The following PRICKLE4 variants were observed in gnomAD, a reference collection of about 807,000 sequenced individuals.
The protein encoded by PRICKLE4 is prickle-like protein 4.
Under a neutral mutation model 43.5 loss-of-function variants are expected in PRICKLE4, and 40 were observed. The observed-to-expected ratio is 0.92, with a 90% CI of 0.71 to 1.20. PRICKLE4 has a LOEUF of 1.20. PRICKLE4 is among the 50% of genes most tolerant of loss of function. PRICKLE4 has a pLI of 0.00. For missense variants in PRICKLE4, 527 were observed against 491.2 expected (o/e 1.07, Z -0.69); for synonymous variants, 208 against 197.4 (o/e 1.05, Z -0.45).
Position 41,784,935 on chromosome 6 carries a change from G to A in PRICKLE4, c.241G>A (p.Glu81Lys). ...TAATTGTAGAGGACTGTTTCTGCAG[G>A]AGCGCTACTGCCTGGCCCTTGGGGA... ...LQQLPPQDID[E>K]RYCLALGEEE... is the part of the protein sequence containing the mutation. The change falls in exon 5 of 8, where the codon GAG becomes AAG. Residue 81 changes from glutamate to lysine, a missense_variant and splice_region_variant. Glu to Lys is a moderately conservative substitution (Grantham distance 56, BLOSUM62 1). Transcript: ENST00000458694. 6.2e-7 allele frequency: 1 copy of A among 1,613,856 alleles called. No individual in the cohort carries two copies. The highest frequency in any genetic ancestry group is 8.5e-7 in the Non-Finnish European group (1 of 1,179,948).
At chr6:41,786,589 C>G in intron 7 of PRICKLE4, 173 bp from the exon 8 acceptor site, 1 of 1,194,666 alleles carries the variant, frequency 8.4e-7, no homozygotes, top group Non-Finnish European at 1.2e-6. Flanking sequence ...GCGCGGGAGG[C>G]GGACGCCCTC....
At position 41,785,461 on chromosome 6, in the gene PRICKLE4, A is replaced by G. The variant is rs780466355; in HGVS notation, c.503A>G (p.Tyr168Cys). ...ACGQALINLIYFYHDGQLYCG... is the reference protein window; with the variant it reads ...ACGQALINLICFYHDGQLYCG... ...GGCCAGGCCCTGATAAACCTCATCT[A>G]CTTCTACCATGATGGACAACTCTAC... The change falls in exon 6 of 8, where the codon TAC becomes TGC. Residue 168 changes from tyrosine to cysteine, a missense_variant. Transcript: ENST00000458694. 3.1e-6 allele frequency: 5 copies of G among 1,614,074 alleles called. No individual in the cohort carries two copies. The highest frequency in any genetic ancestry group is 4.2e-6 in the Non-Finnish European group (5 of 1,180,032).
rs1470309768 is a variant in PRICKLE4 at position 41,785,069 on chromosome 6, G to A, written c.375G>A (p.Glu125=). The change falls in exon 5 of 8, where the codon GAG becomes GAA. Residue 125 remains glutamate, a synonymous_variant. Coordinates refer to ENST00000458694, the MANE Select transcript of PRICKLE4 (RefSeq NM_013397.6). ...VLPKLEGHTC[E]KCRELLKPGE... ...CCAAGCTTGAAGGACACACCTGTGA[G>A]AAGGTATGTAGCACCCCTCCCCCCA... The A allele has an allele frequency of 6.2e-7, 1 of 1,613,654 alleles. No individual in the cohort carries two copies. Among genetic ancestry groups the A allele is most frequent in the South Asian group, 1.1e-5 (1 of 91,022 alleles).
intron 3 of PRICKLE4, 185 bp from the exon 4 acceptor site, chr6:41,783,946 C>A (rs1772596367): frequency 1.5e-6 from 1 of 674,182 alleles, no homozygotes; most frequent in Non-Finnish European, 2.7e-6. Flanking sequence ...AGGAAGACCA[C>A]ACATGCAGGC....
At position 41,785,459 on chromosome 6, in the gene PRICKLE4, C is replaced by T; in HGVS notation, c.501C>T (p.Ile167=). 1.2e-6 allele frequency: 2 copies of T among 1,614,118 alleles called. No individual in the cohort carries two copies. Among genetic ancestry groups the T allele is most frequent in the Non-Finnish European group, 8.5e-7 (1 of 1,180,044 alleles). ...QACGQALINL[I]YFYHDGQLYC... Reference sequence around the variant, plus strand: ...GTGGCCAGGCCCTGATAAACCTCATCTACTTCTACCATGATGGACAACTCT... The same window carrying T: ...GTGGCCAGGCCCTGATAAACCTCATTTACTTCTACCATGATGGACAACTCT... Residue 167 remains isoleucine, a synonymous_variant, in exon 6 of 8, where the codon ATC becomes ATT. Coordinates refer to ENST00000458694, the MANE Select transcript of PRICKLE4 (RefSeq NM_013397.6).
Position 41,784,117 on chromosome 6 carries a change from C to T in PRICKLE4, c.133-14C>T. 6.3e-7 allele frequency: 1 copy of T among 1,586,574 alleles called. No individual in the cohort carries two copies. The highest frequency in any genetic ancestry group is 1.8e-5 in the Admixed American group (1 of 55,498). On this transcript the variant is annotated splice_polypyrimidine_tract_variant and intron_variant, in intron 3 of 7. Transcript: ENST00000458694. ...ACCTAGTTTCACTCCTCCCCTTCTTCCATGTCTCCTCAGGGTCCTGCAGTT... is the reference window on the plus strand; with the variant it reads ...ACCTAGTTTCACTCCTCCCCTTCTTTCATGTCTCCTCAGGGTCCTGCAGTT...
chr6:41,783,685 G>A, intron 3 of PRICKLE4, 80 bp downstream of exon 3: 2 of 1,603,870 alleles, frequency 1.2e-6, no homozygotes, highest in Middle Eastern at 1.7e-4. Flanking sequence ...CCAACCCGGA[G>A]GTAGTTTGAC....
rs556963353 is a variant in PRICKLE4 at position 41,783,762 on chromosome 6, C to T, written c.132+157C>T. The T allele has an allele frequency of 5.6e-6, 6 of 1,067,256 alleles. No homozygotes were observed. In the African/African-American group the frequency reaches 9.4e-5, roughly 17 times the overall value. 66.1% of individuals were successfully genotyped at this position (1,067,256 alleles called of 1,614,324 possible). ...TTCCTGTCTCTGCACCTGCTTAGAA[C>T]ATGGGGTTTTGACTTTAAACTCATT... On this transcript the variant is annotated intron_variant, in intron 3 of 7. Coordinates refer to ENST00000458694, the MANE Select transcript of PRICKLE4 (RefSeq NM_013397.6).
chr6:41,784,379 CCCTG>C lies in PRICKLE4; in HGVS notation c.240+146_240+149del, dbSNP rs1190681322. The C allele has an allele frequency of 3.7e-5, 25 of 666,786 alleles. No individual in the cohort carries two copies. In the South Asian group the frequency reaches 5.1e-4, roughly 14 times the overall value. The allele number at this position is 666,786 out of a possible 1,614,324, so 41.3% of individuals were successfully genotyped here. ...GGCACTGGTTGGGGCGTCATTCTCC[CCCTG>C]CCTGAGTTTTCACATTGGCAATAAC... On this transcript the variant is annotated intron_variant, in intron 4 of 7. Coordinates refer to ENST00000458694, the MANE Select transcript of PRICKLE4 (RefSeq NM_013397.6).
chr6:41,784,289 CT>C lies in PRICKLE4; in HGVS notation c.240+55del, dbSNP rs776916959. On this transcript the variant is annotated intron_variant, in intron 4 of 7. Coordinates refer to ENST00000458694, the MANE Select transcript of PRICKLE4 (RefSeq NM_013397.6). The stretch of plus-strand genomic sequence containing the variant: ...TCTCTTGCCTTTCCCTCCCTCATCT[CT>C]TTTCTTACTGTGGGAAGAACCTCAG... 40 of 1,392,092 alleles carry C rather than the reference CT, an allele frequency of 2.9e-5. No individual in the cohort carries two copies. The Middle Eastern group carries it at 9.1e-4, about 32-fold the overall frequency. The allele number at this position is 1,392,092 out of a possible 1,614,324, so 86.2% of individuals were successfully genotyped here.
intron 3 of PRICKLE4, chr6:41,783,820 C>T: frequency 2.5e-6 from 2 of 792,930 alleles, no homozygotes; most frequent in South Asian, 2.9e-5. Flanking sequence ...CCTAGGGGGT[C>T]TGTATTGTCA....
Position 41,786,901 on chromosome 6 carries a change from G to A in PRICKLE4, c.927G>A (p.Gln309=), listed in dbSNP as rs770696731. Reference sequence around the variant, plus strand: ...GGCTGCCTGGATCCAGTCCCCAGCAGGAGAACCGACCTGGGGACAAAGCGG... The same window carrying A: ...GGCTGCCTGGATCCAGTCCCCAGCAAGAGAACCGACCTGGGGACAAAGCGG... ...QRGLPGSSPQ[Q]ENRPGDKAEA... is the part of the protein sequence containing the mutation. Residue 309 remains glutamine (Q), a synonymous_variant, in exon 8 of 8, where the codon CAG becomes CAA. Transcript: ENST00000458694. 1 of 1,612,414 alleles carries A rather than the reference G, an allele frequency of 6.2e-7. No homozygotes were observed. The highest frequency in any genetic ancestry group is 1.7e-5 in the Admixed American group (1 of 59,918).
At chr6:41,781,622 A>T (rs1354932598) in intron 2 of PRICKLE4, 102 bp downstream of exon 2, 1 of 152,520 alleles carries the variant, frequency 6.6e-6, no homozygotes, top group Non-Finnish European at 1.5e-5. Flanking sequence ...AGCAATATTA[A>T]CTGTTACAGT....
Position 41,785,441 on chromosome 6 carries a change from G to C in PRICKLE4, c.483G>C (p.Gln161His), listed in dbSNP as rs764737434. Residue 161 changes from glutamine to histidine, a missense_variant, in exon 6 of 8, where the codon CAG becomes CAC. Transcript: ENST00000458694. ...GCTTTGCCTGCCAGGCCTGTGGCCAGGCCCTGATAAACCTCATCTACTTCT... is the reference window on the plus strand; with the variant it reads ...GCTTTGCCTGCCAGGCCTGTGGCCACGCCCTGATAAACCTCATCTACTTCT... The part of the protein sequence containing the change: ...QPCFACQACG[Q>H]ALINLIYFYH... 1.2e-5 allele frequency: 19 copies of C among 1,614,120 alleles called. No individual in the cohort carries two copies. Among genetic ancestry groups the C allele is most frequent in the Admixed American group, 1.7e-5 (1 of 60,032 alleles).
rs1160965949 is a variant in PRICKLE4, at chr6:41,786,205, C to G, written c.660C>G (p.Ala220=). 7 of 1,609,484 alleles carry G rather than the reference C, an allele frequency of 4.3e-6. No homozygotes were observed. The highest frequency in any genetic ancestry group is 4.2e-6 in the Non-Finnish European group (5 of 1,176,750). ...HENHFCCQDC[A]GPLGGGRYAL... ...ACCACTTCTGTTGCCAGGACTGCGC[C>G]GGGCCTCTGGGCGGGGGACGTTATG... Residue 220 remains alanine (A), a synonymous_variant, in exon 7 of 8, where the codon GCC becomes GCG. Coordinates refer to ENST00000458694, the MANE Select transcript of PRICKLE4 (RefSeq NM_013397.6).
In PRICKLE4 at chr6:41,784,234, T is replaced by C; in HGVS notation, c.236T>C (p.Ile79Thr). Residue 79 changes from isoleucine to threonine, a missense_variant, in exon 4 of 8, where the codon ATT becomes ACT. By Grantham distance (89) the Ile-to-Thr change is moderately conservative. Transcript: ENST00000458694. ...CTGCAGCAACTCCCTCCGCAGGACA[T>C]TGATGTGGGTCTCCTCTCCCCATCT... Reference protein sequence around the residue: ...TLLQQLPPQDIDERYCLALGE... With the variant: ...TLLQQLPPQDTDERYCLALGE... 6.2e-7 allele frequency: 1 copy of C among 1,604,530 alleles called. No homozygotes were observed. Among genetic ancestry groups the C allele is most frequent in the Non-Finnish European group, 8.5e-7 (1 of 1,174,290 alleles).
At position 41,784,225 on chromosome 6, in the gene PRICKLE4, C is replaced by A; in HGVS notation, c.227C>A (p.Pro76Gln). Residue 76 changes from proline (P) to glutamine (Q), a missense_variant, in exon 4 of 8, where the codon CCG becomes CAG. Pro to Gln is a moderately conservative substitution (Grantham distance 76). Transcript: ENST00000458694. ...GLQTLLQQLP[P>Q]QDIDERYCLA... ...CAGACCCTCCTGCAGCAACTCCCTC[C>A]GCAGGACATTGATGTGGGTCTCCTC... is the stretch of plus-strand genomic sequence containing the variant. 6.2e-7 allele frequency: 1 copy of A among 1,610,792 alleles called. No homozygotes were observed. Among genetic ancestry groups the A allele is most frequent in the Non-Finnish European group, 8.5e-7 (1 of 1,178,162 alleles).
In PRICKLE4 at chr6:41,787,431, T is replaced by C; in HGVS notation, c.*302T>C. 1 of 611,490 alleles carries C rather than the reference T, an allele frequency of 1.6e-6. No homozygotes were observed. The highest frequency in any genetic ancestry group is 2.8e-6 in the Non-Finnish European group (1 of 358,736). 37.9% of individuals were successfully genotyped at this position (611,490 alleles called of 1,614,324 possible). On this transcript the variant is annotated 3_prime_UTR_variant, in exon 8 of 8. Coordinates refer to ENST00000458694, the MANE Select transcript of PRICKLE4 (RefSeq NM_013397.6). ...CCCACCATCCTCCTCCCAAGCCAAT[T>C]AAATGATCACAGCACGCGTGACAGT...
At chr6:41,781,850 T>G (rs1772558660) in intron 2 of PRICKLE4, among the ~76,000 whole-genome samples, 1 of 152,146 alleles carries the variant, frequency 6.6e-6, no homozygotes, top group Admixed American at 6.5e-5. Context: ...CCTCATAAGA[T>G]TATTGTGAGG....
Sources: gnomAD v4.1 joint callset for allele counts (sites outside exome capture counted in the v4.1 genomes callset) on GRCh38, gnomAD v4.1.1 for gene constraint, MANE v1.5 for transcripts, NCBI Gene and HGNC (gene_info 2026-07-23, HGNC 2026-07-21) for gene names.